The following KLF12 variants were observed in gnomAD, a reference collection of about 807,000 sequenced individuals.
The protein encoded by KLF12 is KLF transcription factor 12, also known as Krueppel-like factor 12.
In KLF12, 9 loss-of-function variants were observed where a neutral mutation model predicts 37.8. The ratio of observed to expected loss-of-function variants is 0.24; its 90% CI spans 0.14 to 0.42. KLF12 has a LOEUF of 0.42. KLF12 is among the 10% of genes least tolerant of loss of function. KLF12 has a pLI of 1.00. For synonymous variants in KLF12, 208 were observed against 202.1 expected, an observed-to-expected ratio of 1.03 and a Z score of -0.25; for missense variants, 411 against 516.0, an observed-to-expected ratio of 0.80 and a Z score of 1.97.
At chr13:74,265,473 A>G in the KLF12 span, among the ~76,000 whole-genome samples, 1 of 152,314 alleles carries the variant, frequency 6.6e-6, no homozygotes, top group East Asian at 1.9e-4. Context: ...TCATTACTCT[A>G]TTTCTAGACC....
chr13:74,285,345 G>A, the KLF12 span, among the ~76,000 whole-genome samples: 1 of 152,170 alleles, frequency 6.6e-6, no homozygotes, highest in South Asian at 2.1e-4. Flanking sequence ...TTAGTTAAGC[G>A]ATTAGAGAAA....
chr13:74,032,112 C>T (rs973687489), intron 1 of KLF12, among the ~76,000 whole-genome samples: 3 of 152,108 alleles, frequency 2.0e-5, no homozygotes, highest in African/African-American at 7.2e-5. Context: ...ACGTAAAAAT[C>T]CATGGAATGT....
chr13:74,123,392 T>C (rs186924262), intron 1 of KLF12, among the ~76,000 whole-genome samples: 39 of 152,328 alleles, frequency 2.6e-4, no homozygotes, highest in Admixed American at 7.2e-4. Flanking sequence ...ACATTAAAGA[T>C]CTAAAAGAAA....
At chr13:74,301,580 G>A in the KLF12 span, among the ~76,000 whole-genome samples, 2 of 152,160 alleles carry the variant, frequency 1.3e-5, no homozygotes, top group Non-Finnish European at 2.9e-5. Flanking sequence ...AGTTAAACAT[G>A]CAGCATAAAA....
intron 6 of KLF12, among the ~76,000 whole-genome samples, 198 bp downstream of exon 6, chr13:73,764,740 T>C (rs894688108): frequency 6.6e-5 from 10 of 152,128 alleles, no homozygotes; most frequent in African/African-American, 2.4e-4. Context: ...GGGTTTTTGG[T>C]GAATGAAGAG....
At chr13:74,022,104 C>G (rs1481501782) in intron 1 of KLF12, among the ~76,000 whole-genome samples, 2 of 152,100 alleles carry the variant, frequency 1.3e-5, no homozygotes, top group Non-Finnish European at 2.9e-5. Flanking sequence ...TCTAAATATA[C>G]TGTCATTATG....
At chr13:73,832,842 T>C (rs1452473316) in intron 4 of KLF12, among the ~76,000 whole-genome samples, 2 of 152,234 alleles carry the variant, frequency 1.3e-5, no homozygotes, top group Non-Finnish European at 2.9e-5. Context: ...AAACTGATTG[T>C]ACCATTATCA....
intron 1 of KLF12, among the ~76,000 whole-genome samples, chr13:74,074,159 A>AGTGT (rs547749105): frequency 6.6e-6 from 1 of 151,586 alleles, no homozygotes; most frequent in African/African-American, 2.4e-5. Flanking sequence ...AGAGAGAGAG[A>AGTGT]GTGTGTGTGT....
At chr13:74,026,823 G>C (rs1378047466) in intron 1 of KLF12, among the ~76,000 whole-genome samples, 2 of 152,150 alleles carry the variant, frequency 1.3e-5, no homozygotes, top group African/African-American at 4.8e-5. Flanking sequence ...CCAAAAGGTA[G>C]GAAAAAGATT....
intron 5 of KLF12, among the ~76,000 whole-genome samples, chr13:73,804,477 G>T (rs1882456437): frequency 6.6e-6 from 1 of 151,864 alleles, no homozygotes; most frequent in Non-Finnish European, 1.5e-5. Flanking sequence ...CACCACAGCA[G>T]ATAAAAAGGA....
intron 6 of KLF12, among the ~76,000 whole-genome samples, chr13:73,720,620 T>C (rs759091377): frequency 9.2e-5 from 14 of 152,146 alleles, no homozygotes; most frequent in South Asian, 2.1e-4. Context: ...TTGTAATAAT[T>C]AGATCTAGAG....
chr13:73,997,639 G>A (rs1408674), intron 1 of KLF12, among the ~76,000 whole-genome samples: 11,396 of 152,044 alleles, frequency 0.075, 654 homozygotes, highest in African/African-American at 0.16. Flanking sequence ...ATCAATTTCC[G>A]AATTAAATTT....
intron 5 of KLF12, among the ~76,000 whole-genome samples, chr13:73,784,517 A>T (rs537607389): frequency 1.3e-5 from 2 of 150,804 alleles, no homozygotes; most frequent in South Asian, 2.1e-4. Context: ...AGCCTTGCTG[A>T]CCCCCCACTC....
chr13:74,004,516 T>C (rs1892362177), intron 1 of KLF12, among the ~76,000 whole-genome samples: 1 of 152,172 alleles, frequency 6.6e-6, no homozygotes, highest in South Asian at 2.1e-4. Context: ...AAATGATTCT[T>C]ATAAATAATC....
intron 5 of KLF12, among the ~76,000 whole-genome samples, chr13:73,791,841 G>C (rs1467069213): frequency 6.6e-6 from 1 of 152,160 alleles, no homozygotes; most frequent in Non-Finnish European, 1.5e-5. Flanking sequence ...TTGTGGACCA[G>C]AGAATACAAT....
intron 3 of KLF12, among the ~76,000 whole-genome samples, chr13:73,850,920 C>G (rs1483664186): frequency 6.6e-6 from 1 of 152,164 alleles, no homozygotes; most frequent in Non-Finnish European, 1.5e-5. Flanking sequence ...TGTTTTGTAT[C>G]CTGTTGTGTG....
intron 6 of KLF12, among the ~76,000 whole-genome samples, chr13:73,730,429 T>A (rs941652379): frequency 4.6e-5 from 7 of 152,322 alleles, no homozygotes; most frequent in African/African-American, 1.7e-4. Flanking sequence ...GCTCATAGTT[T>A]ACCTCCAAGC....
At chr13:73,722,465 G>A (rs1210418104) in intron 6 of KLF12, among the ~76,000 whole-genome samples, 1 of 152,098 alleles carries the variant, frequency 6.6e-6, no homozygotes, top group East Asian at 1.9e-4. Context: ...ATATTAATTA[G>A]GGAAAAAGCA....
intron 3 of KLF12, among the ~76,000 whole-genome samples, chr13:73,848,130 A>G (rs1292702962): frequency 1.3e-5 from 2 of 152,194 alleles, no homozygotes; most frequent in South Asian, 2.1e-4. Flanking sequence ...CCGTATCAAC[A>G]TATCAAAAAT....
Sources: gnomAD v4.1 joint callset for allele counts (sites outside exome capture counted in the v4.1 genomes callset) on GRCh38, gnomAD v4.1.1 for gene constraint, MANE v1.5 for transcripts, NCBI Gene and HGNC (gene_info 2026-07-23, HGNC 2026-07-21) for gene names.